Variants in WDR91 observed in about 807,000 individuals in gnomAD.
The protein encoded by WDR91 is WD repeat-containing protein 91.
A neutral mutation model predicts 88.4 loss-of-function variants in WDR91; 52 were observed. The observed-to-expected ratio is 0.59, with a 90% CI of 0.47 to 0.74. WDR91 has a LOEUF of 0.74. Ranked by LOEUF, WDR91 falls within the 30% of genes least tolerant of loss-of-function variation. The pLI is 0.00. For missense variants in WDR91, 824 were observed against 954.5 expected, an observed-to-expected ratio of 0.86 and a Z score of 1.80; for synonymous variants, 362 against 389.5, an observed-to-expected ratio of 0.93 and a Z score of 0.83.
intron 6 of WDR91, among the ~76,000 whole-genome samples, chr7:135,202,952 G>A (rs967603811): frequency 2.6e-5 from 4 of 152,178 alleles, no homozygotes; most frequent in South Asian, 2.1e-4. Context: ...AGGTACCCAC[G>A]TGGGCCAGGG....
chr7:135,198,257 G>C, intron 6 of WDR91, 106 bp from the exon 7 acceptor site: 1 of 1,357,412 alleles, frequency 7.4e-7, no homozygotes, highest in Non-Finnish European at 9.8e-7. Flanking sequence ...TGGGTTGGGG[G>C]CAGGTGGTTA....
chr7:135,211,413 G>A lies in WDR91; in HGVS notation c.90C>T (p.Ala30=), dbSNP rs1174504575. The change falls in exon 1 of 15, where the codon GCC becomes GCT. Residue 30 remains alanine, a synonymous_variant. Transcript: ENST00000354475. ...CCTTCTCCTTGTCCGCCTTGATCTC[G>A]GCGTCCAGCTGCCGCAGTGTGTGCG... The part of the protein sequence containing the change: ...GFTHTLRQLD[A]EIKADKEKGF... 1.2e-6 allele frequency: 2 copies of A among 1,612,016 alleles called. No homozygotes were observed.
At chr7:135,207,359 C>T in intron 3 of WDR91, 157 bp from the exon 4 acceptor site, 2 of 652,376 alleles carry the variant, frequency 3.1e-6, no homozygotes, top group South Asian at 1.4e-5. Flanking sequence ...ATAGTCGCTC[C>T]CTACAGTCTT....
rs10717249 is a variant in WDR91, at chr7:135,191,604, C to CAAAA, written c.1659+1623_1659+1626dup. Among the ~76,000 whole-genome samples, 114 of 81,900 alleles carry CAAAA rather than the reference C, an allele frequency of 1.4e-3. 1 individual carries two copies. Among genetic ancestry groups the CAAAA allele is most frequent in the East Asian group, 2.1e-3 (6 of 2,838 alleles). The allele number at this position is 81,900 out of a possible 152,430, so 53.7% of individuals were successfully genotyped here. A position where few individuals can be genotyped will look rare whatever the true frequency, so the allele number is the denominator to read the frequency against. On this transcript the variant is annotated intron_variant, in intron 11 of 14. Transcript: ENST00000354475. ...TGGGTGACAGAGCAAGACTCCATCT[C>CAAAA]AAAAAAAAAAAAAAAAAAAAAGTAA...
intron 5 of WDR91, among the ~76,000 whole-genome samples, chr7:135,204,677 C>G (rs946680163): frequency 6.6e-6 from 1 of 152,184 alleles, no homozygotes; most frequent in Non-Finnish European, 1.5e-5. Context: ...TCAGAGCTGT[C>G]TTGTCCAATA....
Position 135,194,959 on chromosome 7 carries a change from T to C in WDR91, c.1370A>G (p.Glu457Gly). ...SISKSPLLSL[E>G]WATKRDRLLL... ...CAGTCTGTCCCGTTTGGTGGCCCAT[T>C]CCAAAGACAGCAGCGGTGATTTGGA... Residue 457 changes from glutamate (E) to glycine (G), a missense_variant, in exon 9 of 15, where the codon GAA becomes GGA. Glu to Gly is a moderately conservative substitution (Grantham distance 98). Coordinates refer to ENST00000354475, the MANE Select transcript of WDR91 (RefSeq NM_014149.4). 1 of 1,614,092 alleles carries C rather than the reference T, an allele frequency of 6.2e-7. No homozygotes were observed. Among genetic ancestry groups the C allele is most frequent in the Non-Finnish European group, 8.5e-7 (1 of 1,180,020 alleles).
chr7:135,193,846 A>C, intron 9 of WDR91, 174 bp from the exon 10 acceptor site: 1 of 598,632 alleles, frequency 1.7e-6, no homozygotes, highest in Non-Finnish European at 3.0e-6. Flanking sequence ...AAATTAAACA[A>C]AGACGTGAGA....
At chr7:135,206,691 G>T (rs146722471) in intron 4 of WDR91, among the ~76,000 whole-genome samples, 1 of 151,342 alleles carries the variant, frequency 6.6e-6, no homozygotes, top group East Asian at 1.9e-4. Context: ...AATTATATAT[G>T]GGTTATAAAC....
chr7:135,195,960 A>G (rs1007725805), intron 8 of WDR91, among the ~76,000 whole-genome samples, 184 bp downstream of exon 8: 1 of 152,014 alleles, frequency 6.6e-6, no homozygotes, highest in African/African-American at 2.4e-5. Flanking sequence ...AAGGAAAAAA[A>G]AAAAAGGGCA....
intron 6 of WDR91, among the ~76,000 whole-genome samples, chr7:135,203,152 G>C (rs1269968799): frequency 6.6e-6 from 1 of 152,208 alleles, no homozygotes; most frequent in Non-Finnish European, 1.5e-5. Context: ...TGAAAGTTAA[G>C]GTGCCTGGCC....
rs372920861 is a variant in WDR91, at chr7:135,208,952, G to A, written c.350C>T (p.Thr117Met). 2.0e-5 allele frequency: 32 copies of A among 1,614,042 alleles called. No individual in the cohort carries two copies. In the African/African-American group the frequency reaches 2.1e-4, roughly 11 times the overall value. Residue 117 changes from threonine (T) to methionine (M), a missense_variant, in exon 3 of 15, where the codon ACG (threonine) becomes ATG (methionine). Thr to Met is a moderately conservative substitution (Grantham distance 81). Coordinates refer to ENST00000354475, the MANE Select transcript of WDR91 (RefSeq NM_014149.4). ...KAQEFFAKQA[T>M]ELQNQAEWKD... ...CCACTCAGCCTGGTTCTGGAGTTCC[G>A]TGGCCTGCTTTGCAAAGAACTCCTG...
intron 2 of WDR91, among the ~76,000 whole-genome samples, chr7:135,209,226 C>A (rs1368470617): frequency 6.6e-6 from 1 of 152,204 alleles, no homozygotes; most frequent in African/African-American, 2.4e-5. Context: ...AAAAATTAAT[C>A]CCTAGCTGAT....
intron 6 of WDR91, among the ~76,000 whole-genome samples, chr7:135,204,057 C>G (rs983132792): frequency 2.0e-5 from 3 of 152,214 alleles, no homozygotes; most frequent in Non-Finnish European, 4.4e-5. Flanking sequence ...AATCTAGATT[C>G]TCATCCTGCA....
rs1442447360 is a variant in WDR91 at position 135,207,156 on chromosome 7, G to A, written c.558C>T (p.Asn186=). ...LNFDAECQRT[N]QVQEENEVLR... is the part of the protein sequence containing the mutation. ...GAACTTCATTTTCTTCTTGAACCTG[G>A]TTAGTCCTCTGACACTCCGCATCAA... The change falls in exon 4 of 15, where the codon AAC becomes AAT. Residue 186 remains asparagine, a synonymous_variant. Transcript: ENST00000354475. The A allele has an allele frequency of 1.9e-6, 3 of 1,608,614 alleles. No homozygotes were observed. Among genetic ancestry groups the A allele is most frequent in the Admixed American group, 1.7e-5 (1 of 59,888 alleles).
In WDR91 at chr7:135,196,791, C is replaced by T. The variant is rs527840019; in HGVS notation, c.1051-454G>A. Among the ~76,000 whole-genome samples the T allele has an allele frequency of 2.6e-5, 4 of 152,300 alleles. No individual in the cohort carries two copies. In the South Asian group the frequency reaches 6.2e-4, roughly 24 times the overall value. Reference sequence around the variant, plus strand: ...AAAAGACTGAAAGAGAAGCCAAATCCCTTGCCCAAAGTCATATGGCTGGCA... The same window carrying T: ...AAAAGACTGAAAGAGAAGCCAAATCTCTTGCCCAAAGTCATATGGCTGGCA... On this transcript the variant is annotated intron_variant, in intron 7 of 14. Transcript: ENST00000354475. This position sits in a 1 kb window ranked among gnomAD's most constrained non-coding sequence, Gnocchi z 4.2.
At chr7:135,195,287 C>T (rs966709916) in intron 8 of WDR91, among the ~76,000 whole-genome samples, 4 of 152,236 alleles carry the variant, frequency 2.6e-5, no homozygotes, top group African/African-American at 9.6e-5. Context: ...TAAGTGCCAA[C>T]CATGTGCGGA....
chr7:135,191,420 A>G (rs1831158412), intron 11 of WDR91, among the ~76,000 whole-genome samples: 1 of 152,216 alleles, frequency 6.6e-6, no homozygotes, highest in East Asian at 1.9e-4. Flanking sequence ...CCTGGCCAAC[A>G]TGGTGAAACC....
chr7:135,209,104 G>T, intron 2 of WDR91, 106 bp from the exon 3 acceptor site: 1 of 883,394 alleles, frequency 1.1e-6, no homozygotes, highest in Non-Finnish European at 1.7e-6. Context: ...AGCCTGCCAG[G>T]TAAGTGGCAA....
chr7:135,190,366 G>C (rs964397779), intron 11 of WDR91, among the ~76,000 whole-genome samples: 1 of 151,964 alleles, frequency 6.6e-6, no homozygotes, highest in African/African-American at 2.4e-5. Context: ...CCACAAACTA[G>C]CCCTGACGTG....
Sources: allele counts gnomAD v4.1 joint callset (sites outside exome capture counted in the v4.1 genomes callset), GRCh38; gene constraint gnomAD v4.1.1; non-coding constraint Gnocchi (gnomAD v3.1); transcripts MANE v1.5; gene names NCBI Gene and HGNC (gene_info 2026-07-23, HGNC 2026-07-21).